Variants in AIMP2 observed in about 807,000 individuals in gnomAD.
AIMP2 encodes the protein aminoacyl tRNA synthase complex-interacting multifunctional protein 2.
A neutral mutation model predicts 23.4 loss-of-function variants in AIMP2; 20 were observed. That is an observed-to-expected ratio of 0.85 (90% CI 0.60 to 1.24). AIMP2 has a LOEUF of 1.24. Ranked by LOEUF, AIMP2 falls within the 50% of genes most tolerant of loss-of-function variation. The pLI, the probability that AIMP2 is intolerant of heterozygous loss-of-function variation, is 0.00. For synonymous variants in AIMP2, 210 were observed against 170.4 expected, an observed-to-expected ratio of 1.23 and a Z score of -1.81; for missense variants, 515 against 414.5, an observed-to-expected ratio of 1.24 and a Z score of -2.10.
Position 6,023,466 on chromosome 7 carries a change from G to A in AIMP2, c.738G>A (p.Glu246=). 1 of 1,614,212 alleles carries A rather than the reference G, an allele frequency of 6.2e-7. No individual in the cohort carries two copies. Among genetic ancestry groups the A allele is most frequent in the South Asian group, 1.1e-5 (1 of 91,084 alleles). The change falls in exon 4 of 4, where the codon GAG becomes GAA. Residue 246 remains glutamate, a synonymous_variant. Transcript: ENST00000223029. ...ATATTGCGATTTTTCAGTTAAAAGA[G>A]GGAAGCAGTAAAGAAAAAGCCGCTG... ...WVDIAIFQLK[E]GSSKEKAAVF...
intron 3 of AIMP2, among the ~76,000 whole-genome samples, chr7:6,021,836 G>A (rs1365914539): frequency 1.3e-5 from 2 of 152,128 alleles, no homozygotes; most frequent in African/African-American, 4.8e-5. Flanking sequence ...AGCAGTGGAA[G>A]GGTTGATGCT....
At chr7:6,013,161 A>G (rs1473159358) in intron 1 of AIMP2, 2 of 161,014 alleles carry the variant, frequency 1.2e-5, no homozygotes, top group Non-Finnish European at 2.6e-5. Context: ...CAGAGGCCAA[A>G]TGATACAAAA....
intron 1 of AIMP2, among the ~76,000 whole-genome samples, chr7:6,013,945 T>C (rs552477020): frequency 3.0e-4 from 42 of 140,926 alleles, no homozygotes; most frequent in African/African-American, 1.0e-3. Context: ...AGTGAGACCC[T>C]GTCTCCAGGA....
Position 6,023,294 on chromosome 7 carries a change from T to G in AIMP2, c.575-9T>G. On this transcript the variant is annotated splice_polypyrimidine_tract_variant and intron_variant, in intron 3 of 3. Transcript: ENST00000223029. Reference sequence around the variant, plus strand: ...TGGTGATGCTACCTGGCGTGTTTTTTCTTTTCAGTGCCGAAGACGCAGATG... The same window carrying G: ...TGGTGATGCTACCTGGCGTGTTTTTGCTTTTCAGTGCCGAAGACGCAGATG... The G allele has an allele frequency of 6.3e-7, 1 of 1,580,110 alleles. No individual in the cohort carries two copies. Among genetic ancestry groups the G allele is most frequent in the South Asian group, 1.2e-5 (1 of 85,874 alleles).
chr7:6,009,544 G>A, intron 1 of AIMP2, 46 bp downstream of exon 1: 2 of 1,384,324 alleles, frequency 1.4e-6, no homozygotes, highest in Non-Finnish European at 1.9e-6. Context: ...GCGGCGACCG[G>A]CTGCTGGCCC....
At chr7:6,009,836 C>G (rs1786434190) in intron 1 of AIMP2, among the ~76,000 whole-genome samples, 1 of 148,420 alleles carries the variant, frequency 6.7e-6, no homozygotes, top group Non-Finnish European at 1.5e-5. Context: ...GTAATCCCAG[C>G]TACTCGGGAG....
In AIMP2 at chr7:6,009,312, T is replaced by G. The variant is rs1188373760; in HGVS notation, c.-52T>G. On this transcript the variant is annotated 5_prime_UTR_variant, in exon 1 of 4. Coordinates refer to ENST00000223029, the MANE Select transcript of AIMP2 (RefSeq NM_006303.4). Reference sequence around the variant, plus strand: ...GGTCTCCGTCGTGACCTCTGACGGTTTCTGAGCGTTGGCCTTTGGCACGCG... The same window carrying G: ...GGTCTCCGTCGTGACCTCTGACGGTGTCTGAGCGTTGGCCTTTGGCACGCG... 6.2e-7 allele frequency: 1 copy of G among 1,611,344 alleles called. No individual in the cohort carries two copies. Among genetic ancestry groups the G allele is most frequent in the East Asian group, 2.2e-5 (1 of 44,872 alleles).
At chr7:6,021,910 T>C (rs773384240) in intron 3 of AIMP2, among the ~76,000 whole-genome samples, 9 of 152,164 alleles carry the variant, frequency 5.9e-5, no homozygotes, top group Non-Finnish European at 1.2e-4. Context: ...TGTATTTCCC[T>C]AAAGTTACAC....
In AIMP2 at chr7:6,018,062, G is replaced by A. The variant is rs1193815873; in HGVS notation, c.574+17G>A. ...GGAAGAATGGTAAGTAGACGGGACT[G>A]AGTTCAACTTACACACAGCTGCCCC... On this transcript the variant is annotated intron_variant, in intron 3 of 3. Coordinates refer to ENST00000223029, the MANE Select transcript of AIMP2 (RefSeq NM_006303.4). 1.0e-5 allele frequency: 16 copies of A among 1,594,604 alleles called. No individual in the cohort carries two copies. Among genetic ancestry groups the A allele is most frequent in the Non-Finnish European group, 1.3e-5 (15 of 1,165,396 alleles).
chr7:6,017,052 CCT>C (rs1327208813), intron 2 of AIMP2: 1 of 152,322 alleles, frequency 6.6e-6, no homozygotes, highest in African/African-American at 2.4e-5. Flanking sequence ...TCAGTTAACG[CCT>C]AGTATTTTAG....
chr7:6,009,304 C>T lies in AIMP2; in HGVS notation c.-60C>T, dbSNP rs911530935. ...AGGTGGCCGGTCTCCGTCGTGACCT[C>T]TGACGGTTTCTGAGCGTTGGCCTTT... On this transcript the variant is annotated 5_prime_UTR_variant, in exon 1 of 4. Coordinates refer to ENST00000223029, the MANE Select transcript of AIMP2 (RefSeq NM_006303.4). 4 of 1,610,852 alleles carry T rather than the reference C, an allele frequency of 2.5e-6. No homozygotes were observed. Among genetic ancestry groups the T allele is most frequent in the African/African-American group, 2.7e-5 (2 of 74,874 alleles).
chr7:6,019,952 G>T (rs1480945188), intron 3 of AIMP2, among the ~76,000 whole-genome samples: 8 of 151,572 alleles, frequency 5.3e-5, no homozygotes, highest in African/African-American at 1.7e-4. Context: ...AACCTGGGAG[G>T]TGGAGGTTGC....
intron 2 of AIMP2, 80 bp downstream of exon 2, chr7:6,015,432 C>T (rs1450206587): frequency 5.3e-6 from 8 of 1,504,748 alleles, no homozygotes; most frequent in Middle Eastern, 2.3e-4. Context: ...TGATTAAAGC[C>T]TTAGCTTTCA....
chr7:6,023,102 C>T (rs1157705856), intron 3 of AIMP2: 1 of 610,566 alleles, frequency 1.6e-6, no homozygotes, highest in Non-Finnish European at 2.7e-6. Context: ...TCTTTGGTTA[C>T]TTTTTTAACA....
At chr7:6,017,775 G>C (rs781764319) in intron 2 of AIMP2, 39 bp from the exon 3 acceptor site, 12 of 1,567,930 alleles carry the variant, frequency 7.7e-6, no homozygotes, top group Non-Finnish European at 9.6e-6. Flanking sequence ...GGCACTCTCC[G>C]ATGACTGTTA....
At chr7:6,022,553 T>A (rs1225154463) in intron 3 of AIMP2, 1 of 152,216 alleles carries the variant, frequency 6.6e-6, no homozygotes, top group African/African-American at 2.4e-5. Flanking sequence ...ACATAGCGAT[T>A]TGCATCAGGT....
At chr7:6,010,071 A>G (rs999533120) in intron 1 of AIMP2, among the ~76,000 whole-genome samples, 5 of 147,252 alleles carry the variant, frequency 3.4e-5, no homozygotes, top group Admixed American at 1.4e-4. Flanking sequence ...GGGAGGATCA[A>G]TTGAATCCCA....
intron 3 of AIMP2, among the ~76,000 whole-genome samples, chr7:6,020,055 G>C (rs1034972233): frequency 6.6e-6 from 1 of 151,422 alleles, no homozygotes; most frequent in Non-Finnish European, 1.5e-5. Context: ...TCATGAAGGC[G>C]TCACTATAGC....
Position 6,023,521 on chromosome 7 carries a change from A to T in AIMP2, c.793A>T (p.Lys265Ter). 6.2e-7 allele frequency: 1 copy of T among 1,614,236 alleles called. No individual in the cohort carries two copies. Among genetic ancestry groups the T allele is most frequent in the South Asian group, 1.1e-5 (1 of 91,092 alleles). The change falls in exon 4 of 4, where the codon AAG becomes TAG. Residue 265 changes from lysine (K) to a stop codon, truncating the protein, a stop_gained. Coordinates refer to ENST00000223029, the MANE Select transcript of AIMP2 (RefSeq NM_006303.4). LOFTEE classifies it high-confidence loss of function. Reference sequence around the variant, plus strand: ...CCGCTCCATGAACTCTGCTCTTGGGAAGAGCCCTTGGCTCGCTGGGAATGA... The same window carrying T: ...CCGCTCCATGAACTCTGCTCTTGGGTAGAGCCCTTGGCTCGCTGGGAATGA... ...VFRSMNSALG[K>*]SPWLAGNELT...
Sources: allele counts gnomAD v4.1 joint callset (sites outside exome capture counted in the v4.1 genomes callset), GRCh38; gene constraint gnomAD v4.1.1; transcripts MANE v1.5; gene names NCBI Gene and HGNC (gene_info 2026-07-23, HGNC 2026-07-21).